The following CCDC102B variants were observed in gnomAD, a reference collection of about 807,000 sequenced individuals.
CCDC102B encodes the protein coiled-coil domain containing 102B.
CCDC102B carries 75 observed loss-of-function variants against 57.4 expected under a neutral mutation model. That is an observed-to-expected ratio of 1.31 (90% CI 1.08 to 1.58). The LOEUF (loss-of-function observed/expected upper bound fraction) is 1.58, where lower values mean the gene tolerates loss of function less well. Ranked by LOEUF, CCDC102B falls within the 40% of genes most tolerant of loss-of-function variation. The pLI, the probability that CCDC102B is intolerant of heterozygous loss-of-function variation, is 0.00. For missense variants in CCDC102B, 636 were observed against 582.6 expected (o/e 1.09, Z -0.94); for synonymous variants, 206 against 201.9 (o/e 1.02, Z -0.17).
intron 2 of CCDC102B, among the ~76,000 whole-genome samples, chr18:68,756,128 A>G (rs745889156): frequency 4.6e-5 from 7 of 151,768 alleles, no homozygotes; most frequent in Non-Finnish European, 7.4e-5. Context: ...AAGATTTTCA[A>G]TAAGTATTAT....
chr18:69,019,448 A>G (rs1400848737), intron 7 of CCDC102B, among the ~76,000 whole-genome samples: 2 of 151,892 alleles, frequency 1.3e-5, no homozygotes, highest in African/African-American at 2.4e-5. Context: ...ATTCCTAAGT[A>G]TTTTATTGTT....
At chr18:68,793,694 C>A (rs1180657115), upstream of CCDC102B, among the ~76,000 whole-genome samples, 1 of 152,108 alleles carries the variant, frequency 6.6e-6, no homozygotes, top group African/African-American at 2.4e-5. Flanking sequence ...TGCTACCAAC[C>A]AGCTGTCAGC....
chr18:68,872,332 A>G (rs918596123), intron 4 of CCDC102B, among the ~76,000 whole-genome samples: 17 of 152,134 alleles, frequency 1.1e-4, no homozygotes, highest in African/African-American at 3.9e-4. Context: ...GAACTGTCCA[A>G]TGGAGTAGAT....
chr18:69,044,146 A>G (rs2052500999), intron 7 of CCDC102B, among the ~76,000 whole-genome samples: 1 of 152,164 alleles, frequency 6.6e-6, no homozygotes, highest in Non-Finnish European at 1.5e-5. Context: ...CTATAATTGA[A>G]TGGAAATCTT....
chr18:68,801,797 A>G (rs1351066), intron 1 of CCDC102B, among the ~76,000 whole-genome samples: 32,636 of 152,076 alleles, frequency 0.21, 4,526 homozygotes, highest in East Asian at 0.51. Context: ...TCATTTGGAA[A>G]TAGTTTTGAG....
At chr18:68,869,384 A>G (rs140185191) in intron 4 of CCDC102B, among the ~76,000 whole-genome samples, 58 of 152,312 alleles carry the variant, frequency 3.8e-4, no homozygotes, top group African/African-American at 1.4e-3. Flanking sequence ...GAACAAGGGC[A>G]TTGTCAACTG....
chr18:68,845,331 T>C (rs1263874738), intron 3 of CCDC102B, among the ~76,000 whole-genome samples: 3 of 151,870 alleles, frequency 2.0e-5, no homozygotes, highest in South Asian at 4.1e-4. Context: ...CTGAAATAGA[T>C]CCGTATATTA....
intron 6 of CCDC102B, among the ~76,000 whole-genome samples, chr18:68,911,693 A>G (rs945907880): frequency 7.6e-6 from 1 of 131,160 alleles, no homozygotes; most frequent in African/African-American, 3.0e-5. Context: ...CGGAGCTTGC[A>G]GTGAGCCGAG....
At chr18:68,821,909 A>G (rs1016553000) in intron 1 of CCDC102B, among the ~76,000 whole-genome samples, 11 of 152,146 alleles carry the variant, frequency 7.2e-5, no homozygotes, top group Non-Finnish European at 1.3e-4. Flanking sequence ...AAGAGCCAAG[A>G]GTTTCAATGT....
chr18:68,853,504 G>C (rs1033202583), intron 4 of CCDC102B, among the ~76,000 whole-genome samples: 6 of 151,602 alleles, frequency 4.0e-5, no homozygotes, highest in Non-Finnish European at 7.4e-5. Context: ...CTAGGAAAAA[G>C]TATTAGTTAT....
chr18:68,800,221 G>T (rs1453470608), intron 1 of CCDC102B, among the ~76,000 whole-genome samples: 1 of 152,138 alleles, frequency 6.6e-6, no homozygotes, highest in Non-Finnish European at 1.5e-5. Flanking sequence ...TTCAAATAAT[G>T]TCTTTCTGGC....
intron 6 of CCDC102B, among the ~76,000 whole-genome samples, chr18:68,930,793 T>C (rs531579972): frequency 3.9e-5 from 6 of 152,048 alleles, no homozygotes; most frequent in Admixed American, 1.3e-4. Context: ...TTCAATAGGC[T>C]CTATGGTTAC....
At chr18:68,946,056 G>C (rs1457559679) in intron 6 of CCDC102B, among the ~76,000 whole-genome samples, 2 of 151,786 alleles carry the variant, frequency 1.3e-5, no homozygotes, top group African/African-American at 4.8e-5. Flanking sequence ...AAAGTAGTTT[G>C]TAGCTTTTTG....
intron 6 of CCDC102B, among the ~76,000 whole-genome samples, chr18:68,997,060 G>A (rs1267320812): frequency 2.6e-5 from 4 of 152,076 alleles, no homozygotes; most frequent in East Asian, 1.9e-4. Context: ...CTTCCCCTTT[G>A]TTCAGCACTT....
intron 2 of CCDC102B, among the ~76,000 whole-genome samples, chr18:68,780,996 T>C (rs2034989138): frequency 2.0e-5 from 3 of 152,150 alleles, no homozygotes; most frequent in African/African-American, 7.2e-5. Context: ...CTGAAAGTTT[T>C]AGGGATACAT....
At chr18:69,000,621 C>G (rs369503010) in intron 6 of CCDC102B, among the ~76,000 whole-genome samples, 8 of 152,186 alleles carry the variant, frequency 5.3e-5, no homozygotes, top group South Asian at 2.1e-4. Context: ...CATTTGTCCT[C>G]TCATTTCTGT....
chr18:68,833,416 C>CTTTTTTT (rs2037230248), intron 1 of CCDC102B, among the ~76,000 whole-genome samples: 1 of 135,512 alleles, frequency 7.4e-6, no homozygotes. Context: ...CACCATTTCT[C>CTTTTTTT]TTTCAAGAGA....
intron 1 of CCDC102B, among the ~76,000 whole-genome samples, chr18:68,834,485 GTTCTT>G: frequency 7.4e-6 from 1 of 135,546 alleles, no homozygotes; most frequent in Middle Eastern, 4.1e-3. Context: ...AGTTCCTTTT[GTTCTT>G]TTCTTTTTTA....
chr18:68,944,148 G>A (rs1318067067), intron 6 of CCDC102B, among the ~76,000 whole-genome samples: 1 of 152,112 alleles, frequency 6.6e-6, no homozygotes, highest in Non-Finnish European at 1.5e-5. Flanking sequence ...GAGGAAGGGG[G>A]TTGGGTAAGG....
Sources: allele counts gnomAD v4.1 joint callset (sites outside exome capture counted in the v4.1 genomes callset), GRCh38; gene constraint gnomAD v4.1.1; transcripts MANE v1.5; gene names NCBI Gene and HGNC (gene_info 2026-07-23, HGNC 2026-07-21).